The following PCDH11X variants were observed in gnomAD, a reference collection of about 807,000 sequenced individuals.
PCDH11X encodes the protein protocadherin-11 X-linked.
Under a neutral mutation model 53.3 loss-of-function variants are expected in PCDH11X, and 18 were observed. That is an observed-to-expected ratio of 0.34 (90% confidence interval 0.23 to 0.50). The LOEUF (loss-of-function observed/expected upper bound fraction) is 0.50, where lower values mean the gene tolerates loss of function less well. PCDH11X is among the 20% of genes least tolerant of loss of function. The pLI is 0.98. For synonymous variants in PCDH11X, 279 were observed against 393.3 expected, an observed-to-expected ratio of 0.71 and a Z score of 3.44; for missense variants, 570 against 1,032.4, an observed-to-expected ratio of 0.55 and a Z score of 6.14.
chrX:92,154,342 C>T (rs2065490208), intron 6 of PCDH11X, among the ~76,000 whole-genome samples: 1 of 110,504 alleles, frequency 9.0e-6, no homozygotes, highest in Non-Finnish European at 1.9e-5. Flanking sequence ...TGGTACATGA[C>T]ACATGAGTTA....
chrX:92,538,541 T>A, intron 10 of PCDH11X, among the ~76,000 whole-genome samples: 1 of 107,412 alleles, frequency 9.3e-6, no homozygotes, highest in Middle Eastern at 4.9e-3. Context: ...GTTGTATGGT[T>A]CTTGATTTGA....
chrX:92,267,313 A>C (rs2067854485), intron 8 of PCDH11X, among the ~76,000 whole-genome samples: 1 of 112,355 alleles, frequency 8.9e-6, no homozygotes, highest in African/African-American at 3.2e-5. Flanking sequence ...TGAATATGGC[A>C]GAAACAGAAC....
At chrX:91,983,058 C>A in intron 6 of PCDH11X, 10 of 1,186,592 alleles carry the variant, frequency 8.4e-6, no homozygotes, top group Non-Finnish European at 1.1e-5. Context: ...GCCGGCCAGC[C>A]AGCCCTTGTA....
At chrX:92,235,750 A>G (rs1476208228) in intron 7 of PCDH11X, among the ~76,000 whole-genome samples, 1 of 111,502 alleles carries the variant, frequency 9.0e-6, no homozygotes, top group African/African-American at 3.3e-5. Flanking sequence ...TCATGTTGAG[A>G]AGAATCCAGC....
intron 8 of PCDH11X, among the ~76,000 whole-genome samples, chrX:92,384,794 G>C (rs2070976736): frequency 9.4e-6 from 1 of 106,023 alleles, no homozygotes; most frequent in Non-Finnish European, 1.9e-5. Flanking sequence ...GGGAGGGTCA[G>C]AATCTTGTAG....
At chrX:92,340,565 C>T (rs1379197628) in intron 8 of PCDH11X, among the ~76,000 whole-genome samples, 2 of 112,188 alleles carry the variant, frequency 1.8e-5, no homozygotes, top group East Asian at 2.8e-4. Flanking sequence ...AAGGCTATGA[C>T]TTGCATCTTC....
intron 6 of PCDH11X, among the ~76,000 whole-genome samples, chrX:92,146,050 TTC>T (rs1167471115): frequency 3.7e-5 from 4 of 108,757 alleles, no homozygotes; most frequent in African/African-American, 1.3e-4. Flanking sequence ...CTGAATATTT[TTC>T]TTTCATCAAA....
chrX:92,429,063 T>G (rs2072190234), intron 9 of PCDH11X, among the ~76,000 whole-genome samples: 1 of 110,896 alleles, frequency 9.0e-6, no homozygotes, highest in South Asian at 3.7e-4. Flanking sequence ...TGCTAACTTA[T>G]AGGGAAAATG....
intron 8 of PCDH11X, chrX:92,287,821 A>T (rs2068409149): frequency 4.7e-6 from 2 of 429,013 alleles, no homozygotes; most frequent in Non-Finnish European, 8.3e-6. Flanking sequence ...TGTAGGAGGG[A>T]CCTGGTGGGA....
intron 6 of PCDH11X, among the ~76,000 whole-genome samples, chrX:92,127,701 TC>T (rs2064894363): frequency 9.1e-6 from 1 of 109,378 alleles, no homozygotes; most frequent in South Asian, 4.0e-4. Context: ...TTTTGTATTT[TC>T]AGTAGAGACG....
intron 6 of PCDH11X, among the ~76,000 whole-genome samples, chrX:92,042,313 A>G (rs1183831183): frequency 2.8e-5 from 3 of 107,863 alleles, no homozygotes; most frequent in Non-Finnish European, 5.7e-5. Context: ...AACTAAATAT[A>G]TTTACTTTTA....
chrX:92,181,049 C>G (rs963713532), intron 6 of PCDH11X, among the ~76,000 whole-genome samples: 2 of 110,939 alleles, frequency 1.8e-5, no homozygotes, highest in African/African-American at 6.6e-5. Context: ...CAGAAGAAGA[C>G]AAGAAAATGT....
At chrX:92,086,221 T>A (rs1427179472) in intron 6 of PCDH11X, among the ~76,000 whole-genome samples, 1 of 111,260 alleles carries the variant, frequency 9.0e-6, no homozygotes, top group Non-Finnish European at 1.9e-5. Flanking sequence ...TTGACTTTCT[T>A]GTTTCTTATG....
intron 10 of PCDH11X, among the ~76,000 whole-genome samples, chrX:92,561,730 A>G (rs779377573): frequency 9.2e-6 from 1 of 109,003 alleles, no homozygotes; most frequent in South Asian, 4.1e-4. Flanking sequence ...GTATAGGCAG[A>G]AAGTTTTCTC....
At chrX:92,095,209 A>G (rs1007126127) in intron 6 of PCDH11X, among the ~76,000 whole-genome samples, 14 of 110,804 alleles carry the variant, frequency 1.3e-4, no homozygotes, top group African/African-American at 4.3e-4. Context: ...TCCATTGCTC[A>G]CTAATTTTCA....
chrX:92,188,113 A>G (rs2066130882), intron 6 of PCDH11X, among the ~76,000 whole-genome samples: 1 of 111,649 alleles, frequency 9.0e-6, no homozygotes, highest in Non-Finnish European at 1.9e-5. Flanking sequence ...GCAGAGGTCA[A>G]AAAAGCTGTG....
intron 6 of PCDH11X, among the ~76,000 whole-genome samples, chrX:92,183,969 T>C (rs1603128406): frequency 3.7e-5 from 1 of 26,986 alleles, no homozygotes; most frequent in Admixed American, 6.2e-4. Flanking sequence ...CTGGACATTA[T>C]ATAATAGACT....
intron 10 of PCDH11X, among the ~76,000 whole-genome samples, chrX:92,490,758 A>C (rs371456622): frequency 2.0e-5 from 2 of 100,091 alleles, no homozygotes; most frequent in African/African-American, 7.7e-5. Flanking sequence ...GAAAGAAAGA[A>C]AGAGAAAGAA....
intron 8 of PCDH11X, among the ~76,000 whole-genome samples, chrX:92,381,825 C>G (rs888218054): frequency 1.5e-4 from 17 of 111,346 alleles, no homozygotes; most frequent in African/African-American, 5.5e-4. Context: ...AAACTTGTGG[C>G]TTATTTTATG....
Sources: allele counts gnomAD v4.1 joint callset (sites outside exome capture counted in the v4.1 genomes callset), GRCh38; gene constraint gnomAD v4.1.1; transcripts MANE v1.5; gene names NCBI Gene and HGNC (gene_info 2026-07-23, HGNC 2026-07-21).